MGAT4C: variants seen among roughly 807,000 people sequenced by gnomAD.
MGAT4C encodes MGAT4 family member C.
MGAT4C carries 19 observed loss-of-function variants against 40.1 expected under a neutral mutation model. The ratio of observed to expected loss-of-function variants is 0.47; its 90% CI spans 0.33 to 0.70. MGAT4C has a LOEUF of 0.70. MGAT4C is among the 30% of genes least tolerant of loss of function. The probability of loss-of-function intolerance (pLI) is 0.02; values close to 1 mark genes in which losing one functional copy is unlikely to be tolerated. For missense variants in MGAT4C, 491 were observed against 563.2 expected (o/e 0.87, Z 1.30); for synonymous variants, 181 against 187.1 (o/e 0.97, Z 0.27).
chr12:85,982,590 G>T (rs1356017021), intron 4 of MGAT4C, among the ~76,000 whole-genome samples: 1 of 152,176 alleles, frequency 6.6e-6, no homozygotes, highest in Non-Finnish European at 1.5e-5. Flanking sequence ...TTTCTTAGTG[G>T]TATGCTAATT....
At chr12:86,524,180 G>A (rs770923877) in intron 2 of MGAT4C, among the ~76,000 whole-genome samples, 10 of 152,110 alleles carry the variant, frequency 6.6e-5, no homozygotes, top group Non-Finnish European at 1.2e-4. Context: ...TTGTTTTATC[G>A]TGTCACACGT....
chr12:86,461,273 C>T (rs1238364546), intron 2 of MGAT4C, among the ~76,000 whole-genome samples: 1 of 139,984 alleles, frequency 7.1e-6, no homozygotes, highest in Non-Finnish European at 1.5e-5. Context: ...GAGTCTCGCT[C>T]TGTCGCCCAG....
intron 2 of MGAT4C, among the ~76,000 whole-genome samples, chr12:86,706,321 A>G (rs191300008): frequency 2.8e-4 from 42 of 152,350 alleles, no homozygotes; most frequent in African/African-American, 1.0e-3. Context: ...AAGAATATCA[A>G]TTCTGAGAAT....
chr12:86,426,325 T>A (rs546240648), intron 3 of MGAT4C, among the ~76,000 whole-genome samples: 2 of 152,304 alleles, frequency 1.3e-5, no homozygotes, highest in African/African-American at 4.8e-5. Flanking sequence ...GCATTATTAC[T>A]AGATATTGAG....
chr12:86,096,341 C>T (rs2135583801), intron 1 of MGAT4C, among the ~76,000 whole-genome samples: 1 of 151,364 alleles, frequency 6.6e-6, no homozygotes, highest in South Asian at 2.1e-4. Flanking sequence ...TGCTCCTTTA[C>T]TTTGGTATTC....
chr12:86,414,798 T>C (rs1441502233), intron 3 of MGAT4C, among the ~76,000 whole-genome samples: 3 of 152,144 alleles, frequency 2.0e-5, no homozygotes, highest in African/African-American at 7.2e-5. Flanking sequence ...TCAAGCCACT[T>C]TTTTTGAACT....
chr12:86,001,297 G>T (rs1887268436), intron 2 of MGAT4C, among the ~76,000 whole-genome samples: 1 of 152,106 alleles, frequency 6.6e-6, no homozygotes, highest in Admixed American at 6.5e-5. Flanking sequence ...GTTGTATTCA[G>T]CATTGAGAAC....
At chr12:86,654,295 ATAACT>A (rs1322995999) in intron 2 of MGAT4C, among the ~76,000 whole-genome samples, 3 of 151,648 alleles carry the variant, frequency 2.0e-5, no homozygotes, top group Non-Finnish European at 4.4e-5. Flanking sequence ...AAAGTTAGAA[ATAACT>A]TAATATAGAA....
At chr12:86,439,088 G>A (rs1166544388) in intron 2 of MGAT4C, among the ~76,000 whole-genome samples, 1 of 151,880 alleles carries the variant, frequency 6.6e-6, no homozygotes, top group Non-Finnish European at 1.5e-5. Flanking sequence ...AGTCAACAAA[G>A]AAACACTGGA....
At chr12:86,470,716 T>A (rs1164270315) in intron 2 of MGAT4C, among the ~76,000 whole-genome samples, 5 of 152,154 alleles carry the variant, frequency 3.3e-5, no homozygotes, top group African/African-American at 1.2e-4. Context: ...CAACTGTGTA[T>A]CTTTTAGTTT....
At chr12:86,260,926 A>G (rs1952645088), upstream of MGAT4C, among the ~76,000 whole-genome samples, 1 of 152,016 alleles carries the variant, frequency 6.6e-6, no homozygotes, top group Admixed American at 6.6e-5. Flanking sequence ...AAACAAAGCT[A>G]TATACCTTTT....
chr12:86,219,449 C>T (rs995844171), intron 1 of MGAT4C, among the ~76,000 whole-genome samples: 29 of 152,294 alleles, frequency 1.9e-4, no homozygotes, highest in Middle Eastern at 3.4e-3. Context: ...TCAGATGGTA[C>T]ATTTCTTGCA....
intron 1 of MGAT4C, among the ~76,000 whole-genome samples, chr12:86,779,371 G>C (rs1480863550): frequency 6.6e-6 from 1 of 151,932 alleles, no homozygotes; most frequent in Non-Finnish European, 1.5e-5. Context: ...AACGTGGGAG[G>C]ATCACTTGAG....
chr12:86,653,190 G>C (rs151053681), intron 2 of MGAT4C, among the ~76,000 whole-genome samples: 1 of 151,836 alleles, frequency 6.6e-6, no homozygotes, highest in African/African-American at 2.4e-5. Flanking sequence ...TGAGTTTTCA[G>C]TGTAGTCAGA....
intron 3 of MGAT4C, among the ~76,000 whole-genome samples, chr12:85,987,113 ATAATTTTTTTTTTTTTTT>A (rs1885300547): frequency 3.5e-5 from 5 of 144,592 alleles, no homozygotes; most frequent in South Asian, 2.1e-4. Context: ...TTTTAAAATA[ATAATTTTTTTTTTTTTTT>A]TTTTTTTTTT....
intron 1 of MGAT4C, among the ~76,000 whole-genome samples, chr12:86,086,308 A>G (rs1871830496): frequency 6.6e-6 from 1 of 152,068 alleles, no homozygotes; most frequent in Admixed American, 6.6e-5. Flanking sequence ...CAAACACTGC[A>G]TATTCTCAGT....
intron 1 of MGAT4C, among the ~76,000 whole-genome samples, chr12:86,766,839 T>C (rs985268907): frequency 3.3e-5 from 5 of 151,090 alleles, no homozygotes; most frequent in African/African-American, 1.2e-4. Flanking sequence ...AGACACAACA[T>C]ACCAGAATCC....
rs145426759 is a variant in MGAT4C, at chr12:86,242,068, C to T, written c.-57+14171G>A. 3.9e-3 allele frequency among the ~76,000 whole-genome samples: 588 copies of T among 152,200 alleles called. 3 individuals are homozygous for T. The highest frequency in any genetic ancestry group is 0.01 in the Middle Eastern group (3 of 294). On this transcript the variant is annotated intron_variant, in intron 1 of 4. Transcript: ENST00000611864. ...CTTTTCACTATACAATCACACTGCC[C>T]AGTTGCCTCCCTTTGCTGGGGACCT...
chr12:86,138,413 T>C (rs963043458), intron 1 of MGAT4C, among the ~76,000 whole-genome samples: 2 of 150,276 alleles, frequency 1.3e-5, no homozygotes, highest in East Asian at 3.9e-4. Flanking sequence ...TCAAACTCAA[T>C]GTATCTCAAT....
Sources: allele counts gnomAD v4.1 joint callset (sites outside exome capture counted in the v4.1 genomes callset), GRCh38; gene constraint gnomAD v4.1.1; transcripts MANE v1.5; gene names NCBI Gene and HGNC (gene_info 2026-07-23, HGNC 2026-07-21).